The following CCBE1 variants were observed in gnomAD, a reference collection of about 807,000 sequenced individuals.
CCBE1 encodes collagen and calcium binding EGF domains 1.
A neutral mutation model predicts 50.0 loss-of-function variants in CCBE1; 37 were observed. That is an observed-to-expected ratio of 0.74 (90% CI 0.57 to 0.97). The LOEUF is 0.97. Among genes scored for constraint, CCBE1 ranks in the 50% least tolerant of loss-of-function variants. The pLI, the probability that CCBE1 is intolerant of heterozygous loss-of-function variation, is 0.00. For missense variants in CCBE1, 538 were observed against 523.8 expected, an observed-to-expected ratio of 1.03 and a Z score of -0.26; for synonymous variants, 234 against 203.7, an observed-to-expected ratio of 1.15 and a Z score of -1.27.
chr18:59,518,537 C>T (rs1016569310), intron 2 of CCBE1, among the ~76,000 whole-genome samples: 1 of 152,206 alleles, frequency 6.6e-6, no homozygotes, highest in African/African-American at 2.4e-5. Context: ...CTGTCTTCAG[C>T]TATAACTCAT....
At chr18:59,470,486 T>C (rs1911978224) in intron 3 of CCBE1, among the ~76,000 whole-genome samples, 1 of 152,212 alleles carries the variant, frequency 6.6e-6, no homozygotes, top group Admixed American at 6.5e-5. Flanking sequence ...CTTATGTGTG[T>C]ATACTGTATA....
chr18:59,486,046 G>C (rs1545313), intron 2 of CCBE1, among the ~76,000 whole-genome samples: 47,332 of 151,948 alleles, frequency 0.31, 7,897 homozygotes, highest in African/African-American at 0.42. Flanking sequence ...CATTTACAGA[G>C]CTAGGGATTG....
intron 2 of CCBE1, among the ~76,000 whole-genome samples, chr18:59,541,591 T>C (rs991396863): frequency 6.6e-5 from 10 of 152,134 alleles, no homozygotes; most frequent in Non-Finnish European, 2.9e-5. Context: ...ATTCAGATCT[T>C]CCGAGAAACA....
rs535373155 is a variant in CCBE1, at chr18:59,562,999, C to CA, written c.213-82762dup. ...GGATTGCTTAAGCCCAAAACAGAGA[C>CA]AAGACTGTTGGCATGTTTATGAGTT... On this transcript the variant is annotated intron_variant, in intron 2 of 10. Transcript: ENST00000439986. 3.9e-5 allele frequency among the ~76,000 whole-genome samples: 6 copies of CA among 152,332 alleles called. No homozygotes were observed. The South Asian group carries it at 1.2e-3, about 32-fold the overall frequency.
At chr18:59,594,269 T>G (rs1325812436) in intron 2 of CCBE1, among the ~76,000 whole-genome samples, 1 of 152,210 alleles carries the variant, frequency 6.6e-6, no homozygotes, top group Non-Finnish European at 1.5e-5. Flanking sequence ...TCCTGAAAAT[T>G]TGAGTGCTAA....
chr18:59,571,763 A>T (rs887332392), intron 2 of CCBE1, among the ~76,000 whole-genome samples: 7 of 152,208 alleles, frequency 4.6e-5, no homozygotes, highest in Non-Finnish European at 8.8e-5. Context: ...AATATGTTTT[A>T]TCTCATACGT....
At chr18:59,511,653 C>T (rs1432021352) in intron 2 of CCBE1, among the ~76,000 whole-genome samples, 11 of 152,172 alleles carry the variant, frequency 7.2e-5, no homozygotes, top group African/African-American at 2.2e-4. Context: ...AATGTACAAT[C>T]GATTATTGCT....
chr18:59,533,022 A>G (rs1282046273), intron 2 of CCBE1, among the ~76,000 whole-genome samples: 1 of 152,198 alleles, frequency 6.6e-6, no homozygotes, highest in Non-Finnish European at 1.5e-5. Context: ...CATAAAAGCA[A>G]AGTATTGCAT....
chr18:59,565,181 G>A (rs1401597750), intron 2 of CCBE1, among the ~76,000 whole-genome samples: 2 of 148,942 alleles, frequency 1.3e-5, no homozygotes, highest in African/African-American at 5.1e-5. Flanking sequence ...GGTTAACTCT[G>A]AGTGTCAAAA....
intron 2 of CCBE1, among the ~76,000 whole-genome samples, chr18:59,612,485 T>C (rs755716598): frequency 2.6e-5 from 4 of 152,172 alleles, no homozygotes; most frequent in Non-Finnish European, 4.4e-5. Flanking sequence ...CAACTCTTGC[T>C]AGAGATTGTG....
At chr18:59,489,987 G>GTTT (rs199609938) in intron 2 of CCBE1, among the ~76,000 whole-genome samples, 63,631 of 121,872 alleles carry the variant, frequency 0.52, 17,604 homozygotes, top group Non-Finnish European at 0.57. Flanking sequence ...CGCATAAGGA[G>GTTT]TTTTTTTTTT....
intron 2 of CCBE1, among the ~76,000 whole-genome samples, chr18:59,686,490 C>T (rs1259356392): frequency 6.6e-6 from 1 of 152,170 alleles, no homozygotes; most frequent in Non-Finnish European, 1.5e-5. Context: ...TAAGAGCTTG[C>T]ATATATATAA....
intron 2 of CCBE1, among the ~76,000 whole-genome samples, chr18:59,562,091 G>A (rs1208809310): frequency 3.3e-5 from 5 of 152,134 alleles, no homozygotes; most frequent in African/African-American, 1.2e-4. Context: ...GTAAACTTGA[G>A]TTATTTATTG....
At chr18:59,436,286 A>G in intron 10 of CCBE1, 145 bp from the exon 11 acceptor site, 1 of 719,820 alleles carries the variant, frequency 1.4e-6, no homozygotes. Flanking sequence ...CTGCTACAGG[A>G]GCCTGGGGGT....
chr18:59,471,779 G>A (rs1912047480), intron 3 of CCBE1, among the ~76,000 whole-genome samples: 1 of 152,212 alleles, frequency 6.6e-6, no homozygotes, highest in South Asian at 2.1e-4. Flanking sequence ...GCTGGAAGAG[G>A]AAGAAAGGAT....
chr18:59,533,684 A>T (rs1433894827), intron 2 of CCBE1, among the ~76,000 whole-genome samples: 1 of 152,172 alleles, frequency 6.6e-6, no homozygotes, highest in East Asian at 1.9e-4. Flanking sequence ...TCCACGTTAA[A>T]AACAGACCTT....
chr18:59,526,216 T>C (rs1348356010), intron 2 of CCBE1, among the ~76,000 whole-genome samples: 1 of 152,122 alleles, frequency 6.6e-6, no homozygotes, highest in African/African-American at 2.4e-5. Context: ...TCCACTCTGA[T>C]CTTGTTTATT....
At position 59,529,527 on chromosome 18, in the gene CCBE1, G is replaced by A. The variant is rs553866303; in HGVS notation, c.213-49289C>T. Among the ~76,000 whole-genome samples the A allele has an allele frequency of 4.6e-5, 7 of 152,324 alleles. No homozygotes were observed. In the South Asian group the frequency reaches 6.2e-4, roughly 14 times the overall value. On this transcript the variant is annotated intron_variant, in intron 2 of 10. Transcript: ENST00000439986. ...GAACTCCTGATCCACAGGTTGCACA[G>A]ATCTGTGGAAAAAGCATGGTTTCCT...
intron 2 of CCBE1, among the ~76,000 whole-genome samples, chr18:59,545,254 GA>G (rs35726056): frequency 0.29 from 44,185 of 151,874 alleles, 6,878 homozygotes; most frequent in Non-Finnish European, 0.35. Context: ...TTTTAAAGGA[GA>G]CTTCAGTTCT....
Sources: allele counts gnomAD v4.1 joint callset (sites outside exome capture counted in the v4.1 genomes callset), GRCh38; gene constraint gnomAD v4.1.1; transcripts MANE v1.5; gene names NCBI Gene and HGNC (gene_info 2026-07-23, HGNC 2026-07-21).